SGCZ: variants seen among roughly 807,000 people sequenced by gnomAD.
The protein encoded by SGCZ is sarcoglycan zeta.
In SGCZ, 40 loss-of-function variants were observed where a neutral mutation model predicts 41.3. That is an observed-to-expected ratio of 0.97 (90% CI 0.75 to 1.26). The LOEUF is 1.26. Among genes scored for constraint, SGCZ ranks in the 50% most tolerant of loss-of-function variants. SGCZ has a pLI of 0.00. For synonymous variants in SGCZ, 206 were observed against 137.5 expected, an observed-to-expected ratio of 1.50 and a Z score of -3.49; for missense variants, 552 against 369.8, an observed-to-expected ratio of 1.49 and a Z score of -4.04.
intron 1 of SGCZ, among the ~76,000 whole-genome samples, chr8:14,638,835 A>G (rs1806921554): frequency 6.6e-6 from 1 of 151,766 alleles, no homozygotes; most frequent in South Asian, 2.1e-4. Flanking sequence ...TTTTGGAAAC[A>G]TTATTTTCTT....
chr8:14,209,359 A>C (rs1805721883), intron 4 of SGCZ, among the ~76,000 whole-genome samples: 1 of 151,614 alleles, frequency 6.6e-6, no homozygotes, highest in South Asian at 2.1e-4. Flanking sequence ...TTCGCCTGTT[A>C]AACTCTGTTC....
intron 3 of SGCZ, among the ~76,000 whole-genome samples, chr8:14,293,785 C>T (rs1307577744): frequency 1.3e-5 from 2 of 151,740 alleles, no homozygotes; most frequent in African/African-American, 4.8e-5. Context: ...AACTTTGTCC[C>T]TTTTTAGCAA....
chr8:14,470,972 G>GT (rs577626985), intron 2 of SGCZ, among the ~76,000 whole-genome samples: 95 of 152,212 alleles, frequency 6.2e-4, no homozygotes, highest in Non-Finnish European at 1.2e-3. Context: ...ATCAGTACCA[G>GT]TAAGAGGCGC....
At chr8:14,582,655 C>T (rs1246713000) in intron 1 of SGCZ, among the ~76,000 whole-genome samples, 2 of 110,796 alleles carry the variant, frequency 1.8e-5, no homozygotes, top group African/African-American at 7.1e-5. Context: ...CTATCCCTCC[C>T]CCCTCCCCCC....
At chr8:14,347,518 G>A (rs987978768) in intron 2 of SGCZ, among the ~76,000 whole-genome samples, 2 of 151,326 alleles carry the variant, frequency 1.3e-5, no homozygotes, top group Non-Finnish European at 2.9e-5. Context: ...AAAATTTTAT[G>A]TTTTGTCATA....
chr8:14,706,130 T>C lies in SGCZ; in HGVS notation c.40-151204A>G, dbSNP rs561553324. 2.0e-5 allele frequency among the ~76,000 whole-genome samples: 3 copies of C among 152,176 alleles called. No homozygotes were observed. In the East Asian group the frequency reaches 5.8e-4, roughly 29 times the overall value. On this transcript the variant is annotated intron_variant, in intron 1 of 7. Coordinates refer to ENST00000382080, the MANE Select transcript of SGCZ (RefSeq NM_139167.4). ...ATTTTCCCCCCCATGGTCTAATAGCTTTTAGTCTTCAATGAAATCTTATCT... is the reference window on the plus strand; with the variant it reads ...ATTTTCCCCCCCATGGTCTAATAGCCTTTAGTCTTCAATGAAATCTTATCT...
intron 1 of SGCZ, among the ~76,000 whole-genome samples, chr8:14,991,993 G>C (rs1054688314): frequency 7.1e-6 from 1 of 141,368 alleles, no homozygotes; most frequent in African/African-American, 2.7e-5. Flanking sequence ...TATTGCCATT[G>C]ATATTTACCC....
intron 2 of SGCZ, among the ~76,000 whole-genome samples, chr8:14,400,618 G>A (rs1395017543): frequency 7.2e-5 from 11 of 152,022 alleles, no homozygotes; most frequent in Non-Finnish European, 5.9e-5. Flanking sequence ...AATATATTAT[G>A]TGACCAGACC....
chr8:14,398,205 G>C (rs1358376414), intron 2 of SGCZ, among the ~76,000 whole-genome samples: 1 of 152,112 alleles, frequency 6.6e-6, no homozygotes, highest in African/African-American at 2.4e-5. Context: ...TGACACCGCT[G>C]TTTCTCTTAG....
intron 1 of SGCZ, among the ~76,000 whole-genome samples, chr8:14,594,042 G>A (rs1177589231): frequency 6.6e-6 from 1 of 151,902 alleles, no homozygotes; most frequent in Non-Finnish European, 1.5e-5. Context: ...AGGCGTGGTG[G>A]CACACGCCTG....
At chr8:14,862,787 G>A (rs572114403) in intron 1 of SGCZ, among the ~76,000 whole-genome samples, 78 of 151,842 alleles carry the variant, frequency 5.1e-4, no homozygotes, top group African/African-American at 1.9e-3. Flanking sequence ...AGGTGTATGA[G>A]CAGAGAGAAA....
chr8:14,796,555 T>C (rs556630132), intron 1 of SGCZ, among the ~76,000 whole-genome samples: 3 of 152,312 alleles, frequency 2.0e-5, no homozygotes, highest in South Asian at 4.1e-4. Context: ...ATATTGTGTG[T>C]CTTATGACTC....
intron 1 of SGCZ, among the ~76,000 whole-genome samples, chr8:14,643,896 G>A (rs1807114485): frequency 6.6e-6 from 1 of 151,624 alleles, no homozygotes; most frequent in African/African-American, 2.4e-5. Context: ...CAACAGCTAA[G>A]AATAGAACTG....
At chr8:14,343,943 T>C (rs939692745) in intron 2 of SGCZ, among the ~76,000 whole-genome samples, 1 of 152,090 alleles carries the variant, frequency 6.6e-6, no homozygotes, top group African/African-American at 2.4e-5. Context: ...GATTCACATA[T>C]TGGTTCAAAA....
chr8:14,209,221 A>G (rs998166111), intron 4 of SGCZ, among the ~76,000 whole-genome samples: 5 of 152,218 alleles, frequency 3.3e-5, no homozygotes, highest in African/African-American at 1.2e-4. Flanking sequence ...TGTGGACTCC[A>G]TGTAAATCAG....
At chr8:14,323,592 C>A (rs777421796) in intron 3 of SGCZ, among the ~76,000 whole-genome samples, 3 of 152,110 alleles carry the variant, frequency 2.0e-5, no homozygotes, top group Non-Finnish European at 4.4e-5. Context: ...ACAGGTAGCA[C>A]ATGTGAACAC....
chr8:15,104,135 A>C (rs1806724303), intron 1 of SGCZ, among the ~76,000 whole-genome samples: 1 of 152,222 alleles, frequency 6.6e-6, no homozygotes, highest in East Asian at 1.9e-4. Flanking sequence ...TCAGGGATCA[A>C]CACTGGATGT....
intron 4 of SGCZ, among the ~76,000 whole-genome samples, chr8:14,216,640 T>C (rs561641967): frequency 1.3e-5 from 2 of 152,222 alleles, no homozygotes; most frequent in South Asian, 4.1e-4. Context: ...AGACAAATTA[T>C]ACAATCACAT....
At chr8:14,540,606 C>A (rs1228684219) in intron 2 of SGCZ, among the ~76,000 whole-genome samples, 1 of 151,752 alleles carries the variant, frequency 6.6e-6, no homozygotes, top group Non-Finnish European at 1.5e-5. Context: ...TTAGTGTATG[C>A]AACTTGATCA....
Sources: gnomAD v4.1 joint callset for allele counts (sites outside exome capture counted in the v4.1 genomes callset) on GRCh38, gnomAD v4.1.1 for gene constraint, MANE v1.5 for transcripts, NCBI Gene and HGNC (gene_info 2026-07-23, HGNC 2026-07-21) for gene names.